SZT2: variants seen among roughly 807,000 people sequenced by gnomAD.
SZT2 encodes the protein SZT2 subunit of KICSTOR complex, also known as KICSTOR complex protein SZT2.
A neutral mutation model predicts 404.2 loss-of-function variants in SZT2; 216 were observed. The observed-to-expected ratio is 0.53, with a 90% CI of 0.48 to 0.60. SZT2 has a LOEUF of 0.60. SZT2 is among the 20% of genes least tolerant of loss of function. SZT2 has a pLI of 0.00. For missense variants in SZT2, 3,857 were observed against 4,459.2 expected (o/e 0.86, Z 3.85); for synonymous variants, 1,693 against 1,749.9 (o/e 0.97, Z 0.81).
In SZT2 at chr1:43,422,068, C is replaced by T. The variant is rs1266312355; in HGVS notation, c.1627-15C>T. On this transcript the variant is annotated splice_polypyrimidine_tract_variant and intron_variant, in intron 11 of 71. Coordinates refer to ENST00000634258, the MANE Select transcript of SZT2 (RefSeq NM_001365999.1). ...TCTGCAAATGCTCCTATAGTGCTGT[C>T]CTTCCTGTCCTCAGGTGCTCTCCCT... is the stretch of plus-strand genomic sequence containing the variant. The T allele has an allele frequency of 6.3e-7, 1 of 1,590,392 alleles. No individual in the cohort carries two copies. The highest frequency in any genetic ancestry group is 8.5e-7 in the Non-Finnish European group (1 of 1,173,782).
At position 43,453,262 on chromosome 1, in the gene SZT2, C is replaced by T; in HGVS notation, c.*2782C>T. On this transcript the variant is annotated 3_prime_UTR_variant, in exon 72 of 72. Transcript: ENST00000634258. The stretch of plus-strand genomic sequence containing the variant: ...AAGGCAATTTACAAAGGACCAGGAC[C>T]GCAGAGGCAGAGATAAACCAGTGGG... The T allele has an allele frequency of 2.9e-6, 2 of 685,508 alleles. No individual in the cohort carries two copies. The highest frequency in any genetic ancestry group is 4.9e-6 in the Non-Finnish European group (2 of 404,382). The allele number at this position is 685,508 out of a possible 1,614,324, so 42.5% of individuals were successfully genotyped here.
rs1655837710 is a variant in SZT2 at position 43,447,638 on chromosome 1, G to A, written c.9380G>A (p.Arg3127Gln). 8.1e-6 allele frequency: 13 copies of A among 1,614,088 alleles called. No homozygotes were observed. Among genetic ancestry groups the A allele is most frequent in the East Asian group, 2.2e-5 (1 of 44,886 alleles). Residue 3127 changes from arginine to glutamine, a missense_variant, in exon 67 of 72, where the codon CGA (arginine) becomes CAA (glutamine). This residue lies in a region of SZT2 where 717 missense variants were observed against 868.2 expected (regional missense o/e 0.83). Coordinates refer to ENST00000634258, the MANE Select transcript of SZT2 (RefSeq NM_001365999.1). Reference protein sequence around the residue: ...HASSYHMKPLRMARPGGPEHN... With the variant: ...HASSYHMKPLQMARPGGPEHN... The stretch of plus-strand genomic sequence containing the variant: ...AGCTCTTACCACATGAAGCCATTGC[G>A]AATGGCCCGGCCAGGGGGCCCAGAA...
chr1:43,427,075 C>G lies in SZT2; in HGVS notation c.3329C>G (p.Thr1110Ser), dbSNP rs1222292831. ...FTSLSVGLPE[T>S]LKPLISAQPP... is the part of the protein sequence containing the mutation. Reference sequence around the variant, plus strand: ...TTACAGAGTGTAGGTCTTCCTGAAACTCTCAAGCCTCTCATCTCTGCCCAG... The same window carrying G: ...TTACAGAGTGTAGGTCTTCCTGAAAGTCTCAAGCCTCTCATCTCTGCCCAG... Residue 1110 changes from threonine to serine, a missense_variant, in exon 24 of 72, where the codon ACT becomes AGT. Transcript: ENST00000634258. The G allele has an allele frequency of 6.2e-7, 1 of 1,613,912 alleles. No homozygotes were observed. The highest frequency in any genetic ancestry group is 8.5e-7 in the Non-Finnish European group (1 of 1,179,994).
In SZT2 at chr1:43,425,701, T is replaced by G. The variant is rs1309874130; in HGVS notation, c.2814+59T>G. ...TCACTGGATTGGGGTGCCATCTCTT[T>G]TGGAGTACTGCAGTCTGTGGGCTTC... is the stretch of plus-strand genomic sequence containing the variant. On this transcript the variant is annotated intron_variant, in intron 19 of 71. Transcript: ENST00000634258. The surrounding 1 kb of genome is among the most constrained non-coding windows in gnomAD (Gnocchi z 4.3). 4 of 1,605,174 alleles carry G rather than the reference T, an allele frequency of 2.5e-6. No homozygotes were observed. The East Asian group carries it at 8.9e-5, about 36-fold the overall frequency.
intron 1 of SZT2, 106 bp downstream of exon 1, chr1:43,390,101 G>A (rs1648098118): frequency 7.8e-7 from 1 of 1,278,976 alleles, no homozygotes; most frequent in Non-Finnish European, 1.0e-6. Context: ...GCCGGGCTGC[G>A]TAGCCTCGGC....
chr1:43,433,160 A>C lies in SZT2; in HGVS notation c.5774A>C (p.Gln1925Pro), dbSNP rs1654102606. 1 of 1,614,060 alleles carries C rather than the reference A, an allele frequency of 6.2e-7. No individual in the cohort carries two copies. Among genetic ancestry groups the C allele is most frequent in the African/African-American group, 1.3e-5 (1 of 75,040 alleles). Residue 1925 changes from glutamine to proline, a missense_variant, in exon 40 of 72, where the codon CAG (glutamine) becomes CCG (proline). Physicochemically the swap from Gln to Pro is moderately conservative, Grantham distance 76. Around this residue, in one of 7 missense-constraint regions of SZT2, gnomAD observed 1,725 missense variants for 1,881.0 expected, o/e 0.92. Coordinates refer to ENST00000634258, the MANE Select transcript of SZT2 (RefSeq NM_001365999.1). ...TTCTGGCTCATTGTCCGGGTCCTGC[A>C]GGACCGTGTGGAAGTGTATGCACAT... ...PDFWLIVRVLQDRVEVYAHAR... is the reference protein window; with the variant it reads ...PDFWLIVRVLPDRVEVYAHAR...
In SZT2 at chr1:43,452,373, T is replaced by C. The variant is rs1656538058; in HGVS notation, c.*1893T>C. 1 of 1,392,456 alleles carries C rather than the reference T, an allele frequency of 7.2e-7. No homozygotes were observed. The allele number at this position is 1,392,456 out of a possible 1,614,324, so 86.3% of individuals were successfully genotyped here. A position where few individuals can be genotyped will look rare whatever the true frequency, so the allele number is the denominator to read the frequency against. ...CCTCCCTTGGCTCTCTCTGCACCTCTTCCAGGATTCCCTGACTGTGCCAGC... is the reference window on the plus strand; with the variant it reads ...CCTCCCTTGGCTCTCTCTGCACCTCCTCCAGGATTCCCTGACTGTGCCAGC... On this transcript the variant is annotated 3_prime_UTR_variant, in exon 72 of 72. Coordinates refer to ENST00000634258, the MANE Select transcript of SZT2 (RefSeq NM_001365999.1).
At position 43,428,320 on chromosome 1, in the gene SZT2, C is replaced by T. The variant is rs767473081; in HGVS notation, c.4000C>T (p.Leu1334=). The change falls in exon 28 of 72, where the codon CTA becomes TTA. Residue 1334 remains leucine (L), a synonymous_variant. Transcript: ENST00000634258. ...AGCGGTAGATGCCTGTGAGGAGCTA[C>T]TACAAGAAATAGACATCACCCCATT... The part of the protein sequence containing the change: ...LTAVDACEEL[L]QEIDITPFLL... 2 of 1,614,170 alleles carry T rather than the reference C, an allele frequency of 1.2e-6. No homozygotes were observed. Among genetic ancestry groups the T allele is most frequent in the Non-Finnish European group, 1.7e-6 (2 of 1,180,032 alleles).
At chr1:43,446,148 C>T (rs755709502) in intron 63 of SZT2, 31 bp from the exon 64 acceptor site, 2 of 1,613,882 alleles carry the variant, frequency 1.2e-6, no homozygotes, top group South Asian at 1.1e-5. Flanking sequence ...TGGTGAGCCC[C>T]CAAACCTTGC....
In SZT2 at chr1:43,424,635, C is replaced by A; in HGVS notation, c.2472-149C>A. 2.3e-6 allele frequency: 2 copies of A among 851,410 alleles called. No homozygotes were observed. Among genetic ancestry groups the A allele is most frequent in the African/African-American group, 1.7e-5 (1 of 59,478 alleles). The allele number at this position is 851,410 out of a possible 1,614,324, so 52.7% of individuals were successfully genotyped here. A position where few individuals can be genotyped will look rare whatever the true frequency, so the allele number is the denominator to read the frequency against. ...TCTCATCCTCACTGGATTTGTTATA[C>A]CCTGAGGGACCGCCAGTCTAAGCAG... is the stretch of plus-strand genomic sequence containing the variant. On this transcript the variant is annotated intron_variant, in intron 16 of 71. Transcript: ENST00000634258. The surrounding 1 kb of genome is among the most constrained non-coding windows in gnomAD (Gnocchi z 4.1).
chr1:43,404,368 C>T lies in SZT2; in HGVS notation c.328-12C>T. ...CTTTGGACCCCCTTGAGTGCTCTTT[C>T]TCTGCCCTCAGGATGATTCCACAGG... On this transcript the variant is annotated splice_polypyrimidine_tract_variant and intron_variant, in intron 3 of 71. Transcript: ENST00000634258. 6.2e-7 allele frequency: 1 copy of T among 1,606,774 alleles called. No individual in the cohort carries two copies. The highest frequency in any genetic ancestry group is 1.3e-5 in the African/African-American group (1 of 74,948).
Position 43,428,566 on chromosome 1 carries a change from A to T in SZT2, c.4166+80A>T, listed in dbSNP as rs1293389797. On this transcript the variant is annotated intron_variant, in intron 28 of 71. Transcript: ENST00000634258. ...AACAAGGACCTTCCAGTCCAGGGGA[A>T]TGACTGTGCAAGGTAGTATCTAAGC... 87 of 1,548,108 alleles carry T rather than the reference A, an allele frequency of 5.6e-5. 3 individuals carry two copies. In the South Asian group the frequency reaches 9.0e-4, roughly 16 times the overall value.
In SZT2 at chr1:43,451,529, G is replaced by A; in HGVS notation, c.*1049G>A. 1 of 1,614,080 alleles carries A rather than the reference G, an allele frequency of 6.2e-7. No homozygotes were observed. The highest frequency in any genetic ancestry group is 8.5e-7 in the Non-Finnish European group (1 of 1,180,002). ...GGGCTCCCCTCGGCCTGGGACCTGT[G>A]CCACCTGCACATGCCCTGGGGACAG... On this transcript the variant is annotated 3_prime_UTR_variant, in exon 72 of 72. Coordinates refer to ENST00000634258, the MANE Select transcript of SZT2 (RefSeq NM_001365999.1).
chr1:43,404,709 T>G, intron 4 of SZT2, 159 bp downstream of exon 4: 1 of 694,474 alleles, frequency 1.4e-6, no homozygotes, highest in Non-Finnish European at 2.3e-6. Flanking sequence ...TCTCTCTCCT[T>G]GAGAAGAACC....
chr1:43,396,292 A>G (rs1399125541), intron 1 of SZT2, among the ~76,000 whole-genome samples: 1 of 152,238 alleles, frequency 6.6e-6, no homozygotes, highest in Non-Finnish European at 1.5e-5. Flanking sequence ...TTTGTTTTAG[A>G]AAAGTAAAGA....
rs1282751035 is a variant in SZT2 at position 43,452,003 on chromosome 1, A to G, written c.*1523A>G. Reference sequence around the variant, plus strand: ...GGTGTTGATGGGCTCCAGCAGTCCCACGAGGTCCTCCTAGCAGCATGTCGG... The same window carrying G: ...GGTGTTGATGGGCTCCAGCAGTCCCGCGAGGTCCTCCTAGCAGCATGTCGG... On this transcript the variant is annotated 3_prime_UTR_variant, in exon 72 of 72. Transcript: ENST00000634258. 2 of 1,608,450 alleles carry G rather than the reference A, an allele frequency of 1.2e-6. No homozygotes were observed. Among genetic ancestry groups the G allele is most frequent in the East Asian group, 4.5e-5 (2 of 44,784 alleles).
intron 1 of SZT2, chr1:43,394,206 C>G (rs201232266): frequency 6.4e-6 from 1 of 155,718 alleles, no homozygotes; most frequent in East Asian, 2.2e-4. Context: ...CCCATCAACT[C>G]TTTTTTTTTT....
At position 43,434,604 on chromosome 1, in the gene SZT2, G is replaced by T. The variant is rs1570685904; in HGVS notation, c.5904+119G>T. The stretch of plus-strand genomic sequence containing the variant: ...GAATCAATAATTATGGAAAGTTTTT[G>T]ACTTCCCCAGTTAGTAGGATGCTGT... On this transcript the variant is annotated intron_variant, in intron 41 of 71. Coordinates refer to ENST00000634258, the MANE Select transcript of SZT2 (RefSeq NM_001365999.1). The T allele has an allele frequency of 1.1e-5, 10 of 915,942 alleles. 1 individual carries two copies. Among genetic ancestry groups the T allele is most frequent in the Middle Eastern group, 5.5e-4 (2 of 3,630 alleles). The allele number at this position is 915,942 out of a possible 1,614,324, so 56.7% of individuals were successfully genotyped here.
intron 67 of SZT2, 56 bp downstream of exon 67, chr1:43,447,754 A>G (rs1655857562): frequency 1.2e-6 from 2 of 1,610,602 alleles, no homozygotes; most frequent in East Asian, 4.5e-5. Flanking sequence ...GTTGGGACAT[A>G]CTTGCAGTAG....
Sources: gnomAD v4.1 joint callset for allele counts (sites outside exome capture counted in the v4.1 genomes callset) on GRCh38, gnomAD v4.1.1 for gene constraint, gnomAD v4.1.1 regional missense constraint, Gnocchi (gnomAD v3.1) non-coding constraint, MANE v1.5 for transcripts, NCBI Gene and HGNC (gene_info 2026-07-23, HGNC 2026-07-21) for gene names.